SSH2: variants seen among roughly 807,000 people sequenced by gnomAD.
SSH2 encodes slingshot protein phosphatase 2.
Under a neutral mutation model 135.2 loss-of-function variants are expected in SSH2, and 37 were observed. The observed-to-expected ratio is 0.27, with a 90% CI of 0.21 to 0.36. The LOEUF (loss-of-function observed/expected upper bound fraction) is 0.36, where lower values mean the gene tolerates loss of function less well. Ranked by LOEUF, SSH2 falls within the 10% of genes least tolerant of loss-of-function variation. The pLI is 1.00. For missense variants in SSH2, 1,408 were observed against 1,765.3 expected (o/e 0.80, Z 3.63); for synonymous variants, 628 against 646.2 (o/e 0.97, Z 0.43).
chr17:29,870,595 C>T (rs1223648115), intron 1 of SSH2, among the ~76,000 whole-genome samples: 1 of 151,852 alleles, frequency 6.6e-6, no homozygotes. Context: ...TAAGCAAGTC[C>T]CAGGAAAAAC....
intron 1 of SSH2, among the ~76,000 whole-genome samples, chr17:29,879,518 A>G (rs1473316854): frequency 1.3e-5 from 2 of 152,146 alleles, no homozygotes; most frequent in East Asian, 1.9e-4. Context: ...ATCTCCGACC[A>G]AAGTGGTACA....
At chr17:29,779,855 A>G (rs2041801933) in intron 3 of SSH2, among the ~76,000 whole-genome samples, 1 of 144,388 alleles carries the variant, frequency 6.9e-6, no homozygotes, top group African/African-American at 2.6e-5. Context: ...AACAGCTTCA[A>G]TGTGATCAGT....
intron 1 of SSH2, among the ~76,000 whole-genome samples, chr17:29,871,282 C>T (rs1421358230): frequency 1.3e-5 from 2 of 152,028 alleles, no homozygotes; most frequent in African/African-American, 2.4e-5. Context: ...CTGCATTTTG[C>T]CCATTGGTGG....
intron 5 of SSH2, among the ~76,000 whole-genome samples, chr17:29,694,347 A>G (rs2038628272): frequency 6.6e-6 from 1 of 152,212 alleles, no homozygotes. Context: ...ACAGTGCAGG[A>G]ATGATGACAA....
chr17:29,828,216 T>C (rs973834508), intron 2 of SSH2, among the ~76,000 whole-genome samples: 1 of 152,244 alleles, frequency 6.6e-6, no homozygotes, highest in African/African-American at 2.4e-5. Context: ...TGAACTCTCA[T>C]TGACTACACA....
intron 2 of SSH2, among the ~76,000 whole-genome samples, chr17:29,844,684 C>T (rs1224304923): frequency 2.6e-5 from 4 of 152,212 alleles, no homozygotes; most frequent in African/African-American, 9.6e-5. Flanking sequence ...CAGACAGATC[C>T]TCTCCCCATT....
At chr17:29,733,370 A>T (rs1311735756) in intron 3 of SSH2, among the ~76,000 whole-genome samples, 3 of 152,282 alleles carry the variant, frequency 2.0e-5, no homozygotes, top group Admixed American at 1.3e-4. Context: ...CCAATTAAAC[A>T]TATTGAAAGA....
intron 3 of SSH2, among the ~76,000 whole-genome samples, chr17:29,743,371 ATTTG>A (rs2040637191): frequency 6.6e-6 from 1 of 151,538 alleles, no homozygotes; most frequent in Admixed American, 6.6e-5. Context: ...TTCAATATTT[ATTTG>A]TTGATTTTGA....
intron 1 of SSH2, among the ~76,000 whole-genome samples, chr17:29,926,777 TTCTGCC>T (rs1308859565): frequency 6.6e-6 from 1 of 152,190 alleles, no homozygotes; most frequent in African/African-American, 2.4e-5. Flanking sequence ...CCCTGTACTT[TTCTGCC>T]TCTAAGTTTT....
At chr17:29,739,209 G>A (rs1394086165) in intron 3 of SSH2, among the ~76,000 whole-genome samples, 2 of 152,122 alleles carry the variant, frequency 1.3e-5, no homozygotes, top group Non-Finnish European at 2.9e-5. Context: ...GTTCAGAAAC[G>A]ACATAAATAA....
At chr17:29,633,114 C>G (rs1385871151) in intron 15 of SSH2, among the ~76,000 whole-genome samples, 183 bp from the exon 16 acceptor site, 2 of 152,210 alleles carry the variant, frequency 1.3e-5, no homozygotes, top group Non-Finnish European at 2.9e-5. Flanking sequence ...AAACTGGATT[C>G]ATCAAGGCTA....
chr17:29,810,823 C>T (rs2151325983), intron 2 of SSH2, among the ~76,000 whole-genome samples: 1 of 152,182 alleles, frequency 6.6e-6, no homozygotes, highest in East Asian at 1.9e-4. Context: ...GTTTTCAACA[C>T]CCTAAAAATC....
chr17:29,906,556 T>C (rs1428548571), intron 1 of SSH2, among the ~76,000 whole-genome samples: 1 of 152,166 alleles, frequency 6.6e-6, no homozygotes, highest in Admixed American at 6.5e-5. Context: ...CAAAATAAAC[T>C]ATAATCAGAG....
chr17:29,694,131 A>G lies in SSH2; in HGVS notation c.357+1328T>C, dbSNP rs142689075. On this transcript the variant is annotated intron_variant, in intron 5 of 15. Coordinates refer to ENST00000540801, the MANE Select transcript of SSH2 (RefSeq NM_001282129.2). ...TCATCAGCTATCGTTAGTGTATTTT[A>G]TATGTGGCCCAAGACAATTCTTCTT... 2.0e-5 allele frequency among the ~76,000 whole-genome samples: 3 copies of G among 152,250 alleles called. No individual in the cohort carries two copies. The East Asian group carries it at 5.8e-4, about 29-fold the overall frequency.
chr17:29,751,463 C>G (rs2040939422), intron 3 of SSH2, among the ~76,000 whole-genome samples: 1 of 152,052 alleles, frequency 6.6e-6, no homozygotes, highest in Non-Finnish European at 1.5e-5. Context: ...CTCTACAATA[C>G]TGATAAAATG....
chr17:29,709,015 T>TATATATATATAG (rs780981175), intron 3 of SSH2, among the ~76,000 whole-genome samples: 989 of 81,566 alleles, frequency 0.012, 24 homozygotes, highest in Non-Finnish European at 0.019. Flanking sequence ...TATATATATA[T>TATATATATATAG]AGAGAGAGAG....
At chr17:29,900,464 C>T (rs1001103563) in intron 1 of SSH2, among the ~76,000 whole-genome samples, 37 of 152,062 alleles carry the variant, frequency 2.4e-4, no homozygotes, top group African/African-American at 4.6e-4. Flanking sequence ...AACAAGTGGG[C>T]GAAGGATATG....
chr17:29,926,004 T>C (rs1328901323), intron 1 of SSH2, among the ~76,000 whole-genome samples: 6 of 152,192 alleles, frequency 3.9e-5, no homozygotes, highest in Non-Finnish European at 7.4e-5. Context: ...ATCTATTATC[T>C]AGGAAGAACA....
intron 11 of SSH2, among the ~76,000 whole-genome samples, chr17:29,657,579 T>C (rs866834864): frequency 7.2e-6 from 1 of 139,410 alleles, no homozygotes; most frequent in African/African-American, 2.6e-5. Flanking sequence ...ACTTTGTTTT[T>C]TTTTTTTTTT....
Sources: allele counts gnomAD v4.1 joint callset (sites outside exome capture counted in the v4.1 genomes callset), GRCh38; gene constraint gnomAD v4.1.1; transcripts MANE v1.5; gene names NCBI Gene and HGNC (gene_info 2026-07-23, HGNC 2026-07-21).